Variants in ZNF383 observed in about 807,000 individuals in gnomAD.
The protein encoded by ZNF383 is zinc finger protein 383.
A neutral mutation model predicts 44.2 loss-of-function variants in ZNF383; 32 were observed. The observed-to-expected ratio is 0.72, with a 90% CI of 0.55 to 0.97. The LOEUF is 0.97. ZNF383 is among the 50% of genes least tolerant of loss of function. The pLI, the probability that ZNF383 is intolerant of heterozygous loss-of-function variation, is 0.00. For synonymous variants in ZNF383, 155 were observed against 186.2 expected, an observed-to-expected ratio of 0.83 and a Z score of 1.36; for missense variants, 487 against 562.5, an observed-to-expected ratio of 0.87 and a Z score of 1.36.
intron 5 of ZNF383, among the ~76,000 whole-genome samples, chr19:37,238,015 A>G (rs1397211760): frequency 2.0e-5 from 3 of 151,788 alleles, no homozygotes; most frequent in Non-Finnish European, 4.4e-5. Flanking sequence ...GGCACACGTC[A>G]CCACGCCCAG....
chr19:37,232,653 A>G (rs1002163358), intron 3 of ZNF383, among the ~76,000 whole-genome samples: 3 of 152,138 alleles, frequency 2.0e-5, no homozygotes, highest in Admixed American at 6.5e-5. Context: ...GATTAAGTGG[A>G]ATACGTCTAT....
chr19:37,236,000 A>C lies in ZNF383; in HGVS notation c.158A>C (p.Gln53Pro), dbSNP rs533541026. The C allele has an allele frequency of 1.0e-4, 164 of 1,613,618 alleles. No individual in the cohort carries two copies. The Admixed American group carries it at 2.7e-3, about 26-fold the overall frequency. The change falls in exon 5 of 6, where the codon CAA becomes CCA. Residue 53 changes from glutamine to proline, a missense_variant. Gln to Pro is a moderately conservative substitution (Grantham distance 76). Transcript: ENST00000684119. Reference sequence around the variant, plus strand: ...GCAGGACTTTACACTCCTAAGCCTCAAGTGATCTCCTTATTGGAACAAGGG... The same window carrying C: ...GCAGGACTTTACACTCCTAAGCCTCCAGTGATCTCCTTATTGGAACAAGGG... The part of the protein sequence containing the change: ...VSMGLYTPKP[Q>P]VISLLEQGKE...
chr19:37,222,158 T>G (rs913060115), intron 1 of ZNF383, among the ~76,000 whole-genome samples: 1 of 151,522 alleles, frequency 6.6e-6, no homozygotes, highest in Non-Finnish European at 1.5e-5. Flanking sequence ...GGCTTCTTTT[T>G]TTTTCACTTT....
intron 5 of ZNF383, among the ~76,000 whole-genome samples, chr19:37,238,338 T>C (rs1365404393): frequency 6.7e-6 from 1 of 150,328 alleles, no homozygotes; most frequent in Admixed American, 6.7e-5. Flanking sequence ...TACATTTATC[T>C]ACATGTAACT....
At chr19:37,232,395 A>G (rs1973542251) in intron 3 of ZNF383, among the ~76,000 whole-genome samples, 1 of 152,118 alleles carries the variant, frequency 6.6e-6, no homozygotes, top group Admixed American at 6.6e-5. Context: ...GTAGGTCTAT[A>G]TAGCTAACTG....
At chr19:37,224,068 T>G (rs1284550581) in intron 1 of ZNF383, among the ~76,000 whole-genome samples, 1 of 151,350 alleles carries the variant, frequency 6.6e-6, no homozygotes, top group Non-Finnish European at 1.5e-5. Context: ...TGTTGAAAAA[T>G]TAATGATCTA....
intron 1 of ZNF383, chr19:37,219,453 C>G (rs1972817104): frequency 6.6e-6 from 1 of 152,248 alleles, no homozygotes; most frequent in African/African-American, 2.4e-5. Context: ...CGGGGTTTCT[C>G]CGTGTTGGTC....
At chr19:37,238,826 C>T (rs1973946088) in intron 5 of ZNF383, among the ~76,000 whole-genome samples, 1 of 152,172 alleles carries the variant, frequency 6.6e-6, no homozygotes, top group Non-Finnish European at 1.5e-5. Flanking sequence ...ATCATGTTTG[C>T]AAAGGATCAT....
chr19:37,221,089 G>A (rs1972899058), intron 1 of ZNF383, among the ~76,000 whole-genome samples: 1 of 152,096 alleles, frequency 6.6e-6, no homozygotes, highest in Non-Finnish European at 1.5e-5. Flanking sequence ...AGGAATTGCT[G>A]GGCCATACAG....
At chr19:37,220,228 T>C (rs1393817659) in intron 1 of ZNF383, among the ~76,000 whole-genome samples, 2 of 152,222 alleles carry the variant, frequency 1.3e-5, no homozygotes, top group Non-Finnish European at 2.9e-5. Context: ...GGTTTTCTTT[T>C]CTTTTCTTTT....
rs1055577520 is a variant in ZNF383, at chr19:37,242,908, A to G, written c.672A>G (p.Lys224=). 8.1e-6 allele frequency: 13 copies of G among 1,613,978 alleles called. No individual in the cohort carries two copies. In the African/African-American group the frequency reaches 1.7e-4, roughly 22 times the overall value. Residue 224 remains lysine, a synonymous_variant, in exon 6 of 6, where the codon AAA becomes AAG. Transcript: ENST00000684119. ...ATCTGAAAATTCATACTGGCGAAAAACCCTTTGAATGTAAGGAATGTGGAA... is the reference window on the plus strand; with the variant it reads ...ATCTGAAAATTCATACTGGCGAAAAGCCCTTTGAATGTAAGGAATGTGGAA... ...TRHLKIHTGE[K]PFECKECGKA...
intron 5 of ZNF383, among the ~76,000 whole-genome samples, chr19:37,239,836 C>T (rs1973992164): frequency 6.6e-6 from 1 of 152,066 alleles, no homozygotes; most frequent in Non-Finnish European, 1.5e-5. Flanking sequence ...AGTTTCAAAA[C>T]TTTACTTGGG....
chr19:37,242,450 C>G lies in ZNF383; in HGVS notation c.233-19C>G. 6.8e-7 allele frequency: 1 copy of G among 1,464,966 alleles called. No homozygotes were observed. The highest frequency in any genetic ancestry group is 1.3e-5 in the South Asian group (1 of 79,986). The allele number at this position is 1,464,966 out of a possible 1,614,324, so 90.7% of individuals were successfully genotyped here. A position where few individuals can be genotyped will look rare whatever the true frequency, so the allele number is the denominator to read the frequency against. ...CACAAATAGGAAAAAAGAACATTTA[C>G]CATTTTATTTTCTTTCAGATCTGGA... On this transcript the variant is annotated intron_variant, in intron 5 of 5. Coordinates refer to ENST00000684119, the MANE Select transcript of ZNF383 (RefSeq NM_001387601.1).
At position 37,243,193 on chromosome 19, in the gene ZNF383, T is replaced by C. The variant is rs780681916; in HGVS notation, c.957T>C (p.Phe319=). The change falls in exon 6 of 6, where the codon TTT becomes TTC. Residue 319 remains phenylalanine, a synonymous_variant. Coordinates refer to ENST00000684119, the MANE Select transcript of ZNF383 (RefSeq NM_001387601.1). ...PYECKECGKA[F]TQSSKLVQHQ... is the part of the protein sequence containing the mutation. Reference sequence around the variant, plus strand: ...AATGTAAGGAATGTGGCAAAGCCTTTACCCAGAGCTCAAAGCTTGTTCAAC... The same window carrying C: ...AATGTAAGGAATGTGGCAAAGCCTTCACCCAGAGCTCAAAGCTTGTTCAAC... 10 of 1,614,198 alleles carry C rather than the reference T, an allele frequency of 6.2e-6. No homozygotes were observed. Among genetic ancestry groups the C allele is most frequent in the Non-Finnish European group, 8.5e-6 (10 of 1,180,030 alleles).
At position 37,242,720 on chromosome 19, in the gene ZNF383, ATAAT is replaced by A. The variant is rs1421972590; in HGVS notation, c.489_492del (p.Asn164MetfsTer53). On this transcript the variant is annotated frameshift_variant, in exon 6 of 6. Transcript: ENST00000684119. LOFTEE classifies it high-confidence loss of function. ...ACAGACATTCCTTACTCTCCATCAAATAATTAATAATGAAGACAGACCCTATGAA... is the reference window on the plus strand; with the variant it reads ...ACAGACATTCCTTACTCTCCATCAAATAATAATGAAGACAGACCCTATGAA... 2.5e-6 allele frequency: 4 copies of A among 1,614,120 alleles called. No homozygotes were observed. Among genetic ancestry groups the A allele is most frequent in the Admixed American group, 1.7e-5 (1 of 60,022 alleles).
intron 3 of ZNF383, among the ~76,000 whole-genome samples, chr19:37,234,240 T>A (rs1288900301): frequency 6.6e-6 from 1 of 152,136 alleles, no homozygotes; most frequent in Non-Finnish European, 1.5e-5. Context: ...CATCTAAATA[T>A]CCAAATACCA....
chr19:37,224,437 GTT>G (rs1163841142), intron 1 of ZNF383, among the ~76,000 whole-genome samples: 1 of 152,160 alleles, frequency 6.6e-6, no homozygotes, highest in Non-Finnish European at 1.5e-5. Context: ...ATTAATTAGT[GTT>G]TGGTACCTGG....
At chr19:37,223,066 A>G (rs1187828524) in intron 1 of ZNF383, among the ~76,000 whole-genome samples, 1 of 152,234 alleles carries the variant, frequency 6.6e-6, no homozygotes, top group Non-Finnish European at 1.5e-5. Context: ...CTTCAAATAT[A>G]TTTGACATAA....
At chr19:37,236,996 G>GAC (rs1847126294) in intron 5 of ZNF383, among the ~76,000 whole-genome samples, 2 of 108,138 alleles carry the variant, frequency 1.8e-5, no homozygotes, top group African/African-American at 3.1e-5. Flanking sequence ...CACACACACA[G>GAC]AGACACACAC....
Sources: allele counts gnomAD v4.1 joint callset (sites outside exome capture counted in the v4.1 genomes callset), GRCh38; gene constraint gnomAD v4.1.1; transcripts MANE v1.5; gene names NCBI Gene and HGNC (gene_info 2026-07-23, HGNC 2026-07-21).